The following SLC9B1 variants were observed in gnomAD, a reference collection of about 807,000 sequenced individuals.
The protein encoded by SLC9B1 is solute carrier family 9 member B1.
In SLC9B1, 32 loss-of-function variants were observed where a neutral mutation model predicts 51.7. The observed-to-expected ratio is 0.62, with a 90% CI of 0.47 to 0.83. SLC9B1 has a LOEUF of 0.83. Ranked by LOEUF, SLC9B1 falls within the 40% of genes least tolerant of loss-of-function variation. The pLI is 0.00. For missense variants in SLC9B1, 406 were observed against 613.2 expected (o/e 0.66, Z 3.57); for synonymous variants, 145 against 212.7 (o/e 0.68, Z 2.77).
chr4:102,918,346 TA>T lies in SLC9B1; in HGVS notation c.830-6810del, dbSNP rs565353157. On this transcript the variant is annotated intron_variant, in intron 7 of 11. Transcript: ENST00000296422. ...CTAGTAACATGCAAGTTACCAAGAC[TA>T]AGTCACAAAATAAAAAATCTTAATA... 4.4e-3 allele frequency among the ~76,000 whole-genome samples: 670 copies of T among 152,128 alleles called. 4 individuals carry two copies. Among genetic ancestry groups the T allele is most frequent in the African/African-American group, 0.015 (629 of 41,508 alleles).
At chr4:102,885,257 G>A (rs757788592) in exon 12 of SLC9B1, 2 of 1,614,032 alleles carry the variant, frequency 1.2e-6, no homozygotes, top group Non-Finnish European at 8.5e-7. Flanking sequence ...TGGTGTACTC[G>A]CACTTCTTGG....
intron 1 of SLC9B1, among the ~76,000 whole-genome samples, chr4:103,013,568 A>G (rs911617688): frequency 6.6e-6 from 1 of 152,256 alleles, no homozygotes; most frequent in Non-Finnish European, 1.5e-5. Flanking sequence ...AATTTGAACT[A>G]GAAAAGCTCT....
intron 7 of SLC9B1, among the ~76,000 whole-genome samples, chr4:102,915,969 T>C (rs545126682): frequency 2.6e-5 from 4 of 151,898 alleles, no homozygotes; most frequent in African/African-American, 9.7e-5. Flanking sequence ...AACCCAAGCA[T>C]GCCCCTACCA....
chr4:102,989,727 G>T (rs994809219), intron 3 of SLC9B1, 73 bp downstream of exon 3: 15 of 1,072,802 alleles, frequency 1.4e-5, no homozygotes, highest in Non-Finnish European at 2.0e-5. Context: ...TAGTGTCTTT[G>T]TTGTCTCATG....
intron 11 of SLC9B1, among the ~76,000 whole-genome samples, chr4:102,895,835 CA>C: frequency 6.6e-6 from 1 of 151,882 alleles, no homozygotes; most frequent in Non-Finnish European, 1.5e-5. Context: ...CAATTGTGAG[CA>C]AAAAAGGATA....
intron 3 of SLC9B1, among the ~76,000 whole-genome samples, chr4:102,963,766 T>C (rs1210859866): frequency 6.6e-6 from 1 of 152,040 alleles, no homozygotes; most frequent in African/African-American, 2.4e-5. Context: ...AAACTTAAAA[T>C]ACAAAAAACC....
intron 11 of SLC9B1, among the ~76,000 whole-genome samples, chr4:102,887,049 A>C (rs1733963348): frequency 1.3e-5 from 2 of 152,240 alleles, no homozygotes; most frequent in Admixed American, 1.3e-4. Context: ...AAGCTCCACA[A>C]ATGACCAAGA....
chr4:102,933,659 C>A (rs1008723467), intron 6 of SLC9B1, among the ~76,000 whole-genome samples: 1 of 152,126 alleles, frequency 6.6e-6, no homozygotes, highest in Admixed American at 6.5e-5. Context: ...CTATTGCAGG[C>A]TTCAGTTTTT....
intron 3 of SLC9B1, among the ~76,000 whole-genome samples, chr4:102,975,727 T>C (rs1415343199): frequency 6.7e-6 from 1 of 150,360 alleles, no homozygotes; most frequent in Admixed American, 6.7e-5. Flanking sequence ...TGCCATGATG[T>C]CTGGCTAATT....
At chr4:102,985,190 T>C (rs976499145) in intron 3 of SLC9B1, among the ~76,000 whole-genome samples, 25 of 152,200 alleles carry the variant, frequency 1.6e-4, no homozygotes, top group Admixed American at 1.4e-3. Context: ...TCCATCTCTT[T>C]CCTTAATCAA....
intron 11 of SLC9B1, among the ~76,000 whole-genome samples, chr4:102,895,383 G>C (rs962823500): frequency 2.0e-5 from 3 of 152,128 alleles, no homozygotes; most frequent in African/African-American, 7.2e-5. Flanking sequence ...AAAGAAAATA[G>C]AAGACTAAAG....
intron 3 of SLC9B1, among the ~76,000 whole-genome samples, chr4:102,970,838 C>A (rs1380305369): frequency 6.6e-6 from 1 of 152,086 alleles, no homozygotes; most frequent in Non-Finnish European, 1.5e-5. Context: ...GGTTGCAATC[C>A]TAGTCTCTGA....
Position 102,946,779 on chromosome 4 carries a change from C to A in SLC9B1, c.393G>T (p.Leu131=). 1 of 1,587,558 alleles carries A rather than the reference C, an allele frequency of 6.3e-7. No individual in the cohort carries two copies. The change falls in exon 5 of 12, where the codon CTG becomes CTT. Residue 131 remains leucine, a synonymous_variant. Coordinates refer to ENST00000296422, the MANE Select transcript of SLC9B1 (RefSeq NM_139173.4). ...GAACATTCCTAATCGTAAAACCAGC[C>A]AGTAACATCCCTTAAAAGAAAGAAA... ...PPLPPLLGML[L]AGFTIRNVPF... is the part of the protein sequence containing the mutation.
intron 11 of SLC9B1, among the ~76,000 whole-genome samples, chr4:102,895,061 T>A (rs1427866921): frequency 1.3e-5 from 2 of 152,166 alleles, no homozygotes; most frequent in Non-Finnish European, 2.9e-5. Context: ...TGTAGAAGAA[T>A]AGTCAGAAAA....
In SLC9B1 at chr4:102,964,027, C is replaced by T. The variant is rs778417100; in HGVS notation, c.212-14600G>A. ...CAAAGAAACTCAAAATTGCTTATTT[C>T]GGAAAGTCAAGAAGATAAATAATAT... On this transcript the variant is annotated intron_variant, in intron 3 of 11. Coordinates refer to ENST00000296422, the MANE Select transcript of SLC9B1 (RefSeq NM_139173.4). Among the ~76,000 whole-genome samples the T allele has an allele frequency of 9.2e-5, 14 of 151,724 alleles. No homozygotes were observed. In the East Asian group the frequency reaches 1.5e-3, roughly 17 times the overall value.
intron 3 of SLC9B1, among the ~76,000 whole-genome samples, chr4:102,987,127 T>G (rs1739666404): frequency 6.6e-6 from 1 of 152,072 alleles, no homozygotes; most frequent in African/African-American, 2.4e-5. Context: ...GGGAGAAAAT[T>G]CTATAGTTCT....
chr4:102,920,027 G>A (rs1467605927), intron 7 of SLC9B1, among the ~76,000 whole-genome samples: 1 of 152,242 alleles, frequency 6.6e-6, no homozygotes, highest in East Asian at 1.9e-4. Flanking sequence ...GTCCCTGTCT[G>A]ACAGCTCTGA....
chr4:102,992,064 T>C (rs1234008774), intron 1 of SLC9B1, among the ~76,000 whole-genome samples: 1 of 152,262 alleles, frequency 6.6e-6, no homozygotes, highest in East Asian at 1.9e-4. Flanking sequence ...ATTTAATCTA[T>C]CTTCTGTCAT....
intron 3 of SLC9B1, chr4:102,961,965 T>C: frequency 4.1e-6 from 1 of 243,440 alleles, no homozygotes; most frequent in Non-Finnish European, 8.1e-6. Context: ...CATGGCGGGG[T>C]TCCTGCCTTC....
Sources: allele counts gnomAD v4.1 joint callset (sites outside exome capture counted in the v4.1 genomes callset), GRCh38; gene constraint gnomAD v4.1.1; transcripts MANE v1.5; gene names NCBI Gene and HGNC (gene_info 2026-07-23, HGNC 2026-07-21).